The following SAMTOR variants were observed in gnomAD, a reference collection of about 807,000 sequenced individuals.
The protein encoded by SAMTOR is S-adenosylmethionine sensor upstream of mTORC1.
chr7:112,923,136 A>T, the SAMTOR span, among the ~76,000 whole-genome samples: 1 of 152,258 alleles, frequency 6.6e-6, no homozygotes, highest in Non-Finnish European at 1.5e-5. Flanking sequence ...TGTACTAAGA[A>T]AAATTCTTCT....
chr7:112,892,667 G>A, the SAMTOR span, among the ~76,000 whole-genome samples: 12 of 152,022 alleles, frequency 7.9e-5, no homozygotes, highest in African/African-American at 2.9e-4. Flanking sequence ...AGCTACTGGG[G>A]AGGCTGAGGT....
chr7:112,860,394 T>C, the SAMTOR span, among the ~76,000 whole-genome samples: 1 of 152,192 alleles, frequency 6.6e-6, no homozygotes. Context: ...AACCCTGTTA[T>C]CTGATGGTTG....
the SAMTOR span, among the ~76,000 whole-genome samples, chr7:112,835,875 C>T: frequency 2.0e-5 from 3 of 152,090 alleles, no homozygotes; most frequent in African/African-American, 4.8e-5. Flanking sequence ...TTTCTTTATC[C>T]AGTCTACTGC....
At chr7:112,902,824 T>C in the SAMTOR span, among the ~76,000 whole-genome samples, 1 of 152,238 alleles carries the variant, frequency 6.6e-6, no homozygotes, top group African/African-American at 2.4e-5. Context: ...CTCTAAAAAA[T>C]AAAGTCTACT....
chr7:112,858,607 T>A, the SAMTOR span, among the ~76,000 whole-genome samples: 7 of 152,186 alleles, frequency 4.6e-5, no homozygotes, highest in African/African-American at 1.7e-4. Flanking sequence ...TTTGATTAGA[T>A]GTTAATCATA....
chr7:112,822,350 C>G, the SAMTOR span: 1 of 1,604,816 alleles, frequency 6.2e-7, no homozygotes, highest in African/African-American at 1.3e-5. Context: ...GCTGTAAGTT[C>G]AGGAAATCAC....
At chr7:112,902,039 A>C in the SAMTOR span, among the ~76,000 whole-genome samples, 1 of 152,178 alleles carries the variant, frequency 6.6e-6, no homozygotes, top group South Asian at 2.1e-4. Flanking sequence ...CAATCAGAAA[A>C]AGCTACAAAC....
the SAMTOR span, among the ~76,000 whole-genome samples, chr7:112,853,889 G>C: frequency 5.2e-4 from 79 of 152,212 alleles, no homozygotes; most frequent in African/African-American, 1.8e-3. Flanking sequence ...CTTTGAAGTA[G>C]GGGAATGAGA....
the SAMTOR span, among the ~76,000 whole-genome samples, chr7:112,928,150 A>T: frequency 8.9e-4 from 136 of 152,176 alleles, 1 homozygote; most frequent in Admixed American, 8.6e-3. Flanking sequence ...TAAAAAAACA[A>T]GTACAAGGAA....
the SAMTOR span, among the ~76,000 whole-genome samples, chr7:112,858,239 A>T: frequency 8.5e-5 from 13 of 152,096 alleles, no homozygotes; most frequent in African/African-American, 2.9e-4. Context: ...AAACATTCAT[A>T]GTCTTTGAAC....
chr7:112,902,424 AAAAACAAAAAAAAAC>A, the SAMTOR span, among the ~76,000 whole-genome samples: 1 of 102,088 alleles, frequency 9.8e-6, no homozygotes, highest in African/African-American at 4.1e-5. Flanking sequence ...CTCAAAAAAA[AAAAACAAAAAAAAAC>A]AAAAAAAAAC....
the SAMTOR span, among the ~76,000 whole-genome samples, chr7:112,919,310 A>C: frequency 6.6e-6 from 1 of 152,202 alleles, no homozygotes; most frequent in Non-Finnish European, 1.5e-5. Context: ...AAAACCACTC[A>C]ACTACATGGA....
At chr7:112,915,256 T>G in the SAMTOR span, 2 of 1,508,070 alleles carry the variant, frequency 1.3e-6, no homozygotes, top group Non-Finnish European at 1.8e-6. Context: ...AAAAAAGAAG[T>G]TACAACAATA....
the SAMTOR span, among the ~76,000 whole-genome samples, chr7:112,896,406 A>G: frequency 6.6e-6 from 1 of 152,204 alleles, no homozygotes; most frequent in African/African-American, 2.4e-5. Flanking sequence ...TTGAAGAGCA[A>G]AGAATTCATG....
the SAMTOR span, among the ~76,000 whole-genome samples, chr7:112,931,136 C>G: frequency 6.6e-6 from 1 of 152,184 alleles, no homozygotes; most frequent in Non-Finnish European, 1.5e-5. Flanking sequence ...TTTCATTTAA[C>G]TGGTCTGGAG....
At chr7:112,913,893 A>G in the SAMTOR span, among the ~76,000 whole-genome samples, 3 of 152,068 alleles carry the variant, frequency 2.0e-5, no homozygotes, top group Non-Finnish European at 4.4e-5. Context: ...TATTTTTCTC[A>G]TGGTGCTCAC....
chr7:112,908,620 A>T, the SAMTOR span, among the ~76,000 whole-genome samples: 1 of 152,236 alleles, frequency 6.6e-6, no homozygotes, highest in Non-Finnish European at 1.5e-5. Flanking sequence ...TACAGAGTAT[A>T]TAACAGTATA....
the SAMTOR span, among the ~76,000 whole-genome samples, chr7:112,902,428 ACAAAAAAAAAC>A: frequency 1.4e-3 from 77 of 54,382 alleles, 9 homozygotes; most frequent in African/African-American, 3.9e-3. Flanking sequence ...AAAAAAAAAA[ACAAAAAAAAAC>A]AAAAAAAAAC....
chr7:112,915,800 C>T, the SAMTOR span, among the ~76,000 whole-genome samples: 2 of 152,168 alleles, frequency 1.3e-5, no homozygotes, highest in Admixed American at 6.5e-5. Context: ...CAAAGACATG[C>T]TGGTAAGAAA....
Sources: gnomAD v4.1 joint callset for allele counts (sites outside exome capture counted in the v4.1 genomes callset) on GRCh38, gnomAD v4.1.1 for gene constraint, MANE v1.5 for transcripts, NCBI Gene and HGNC (gene_info 2026-07-23, HGNC 2026-07-21) for gene names.